SYT1: variants seen among roughly 807,000 people sequenced by gnomAD.
The protein encoded by SYT1 is synaptotagmin 1.
Under a neutral mutation model 44.8 loss-of-function variants are expected in SYT1, and 8 were observed. The ratio of observed to expected loss-of-function variants is 0.18; its 90% CI spans 0.10 to 0.32. The LOEUF is 0.32. Among genes scored for constraint, SYT1 ranks in the 10% least tolerant of loss-of-function variants. The probability of loss-of-function intolerance (pLI) is 1.00; values close to 1 mark genes in which losing one functional copy is unlikely to be tolerated. For synonymous variants in SYT1, 154 were observed against 188.8 expected, an observed-to-expected ratio of 0.82 and a Z score of 1.51; for missense variants, 286 against 509.3, an observed-to-expected ratio of 0.56 and a Z score of 4.22.
intron 3 of SYT1, among the ~76,000 whole-genome samples, chr12:79,163,112 T>A (rs752519907): frequency 6.6e-6 from 1 of 152,072 alleles, no homozygotes; most frequent in Non-Finnish European, 1.5e-5. Flanking sequence ...TTGCCTGCCT[T>A]ATGTATATGC....
intron 9 of SYT1, among the ~76,000 whole-genome samples, chr12:79,387,458 G>GA (rs1194681799): frequency 1.3e-5 from 2 of 152,094 alleles, no homozygotes; most frequent in African/African-American, 2.4e-5. Flanking sequence ...ATCTCTCAAT[G>GA]AAAAAACTAA....
At chr12:79,064,683 AC>A (rs1256161669) in intron 3 of SYT1, among the ~76,000 whole-genome samples, 1 of 151,604 alleles carries the variant, frequency 6.6e-6, no homozygotes, top group Admixed American at 6.6e-5. Flanking sequence ...AATAAAGTAA[AC>A]CCCACCATAA....
rs1431810122 is a variant in SYT1 at position 79,285,793 on chromosome 12, C to T, written c.173C>T (p.Pro58Leu). 2 of 1,603,914 alleles carry T rather than the reference C, an allele frequency of 1.2e-6. No homozygotes were observed. Among genetic ancestry groups the T allele is most frequent in the South Asian group, 1.1e-5 (1 of 88,354 alleles). ...CTCTGTGTGTTTCTTTCAGTGCCAC[C>T]GTGGGCCTTAATTGCAATAGCCATA... ...MNELHKIPLP[P>L]WALIAIAIVA... Residue 58 changes from proline (P) to leucine (L), a missense_variant, in exon 5 of 11, where the codon CCG (proline) becomes CTG (leucine). This residue lies in a region of SYT1 where 141 missense variants were observed against 165.7 expected (regional missense o/e 0.85). Coordinates refer to ENST00000261205, the MANE Select transcript of SYT1 (RefSeq NM_005639.3).
rs1033634983 is a variant in SYT1 at position 79,186,620 on chromosome 12, A to G, written c.-17-30883A>G. On this transcript the variant is annotated intron_variant, in intron 3 of 10. Coordinates refer to ENST00000261205, the MANE Select transcript of SYT1 (RefSeq NM_005639.3). ...TCTTTAAGCAGCTAAGTGGCTCCCCAAAGATTAAATGTCCAATAAGTGAAA... is the reference window on the plus strand; with the variant it reads ...TCTTTAAGCAGCTAAGTGGCTCCCCGAAGATTAAATGTCCAATAAGTGAAA... 1.3e-4 allele frequency among the ~76,000 whole-genome samples: 20 copies of G among 152,140 alleles called. No homozygotes were observed. The East Asian group carries it at 3.1e-3, about 24-fold the overall frequency.
At chr12:79,355,672 A>G (rs1211502528) in intron 9 of SYT1, among the ~76,000 whole-genome samples, 3 of 151,658 alleles carry the variant, frequency 2.0e-5, no homozygotes, top group Admixed American at 6.5e-5. Flanking sequence ...CAAACAAACT[A>G]TACAACTTTC....
At chr12:79,044,455 C>G (rs887745706) in intron 2 of SYT1, among the ~76,000 whole-genome samples, 1 of 149,970 alleles carries the variant, frequency 6.7e-6, no homozygotes, top group Admixed American at 6.6e-5. Flanking sequence ...ACGTAGTTCT[C>G]GAGCCTTGGT....
intron 2 of SYT1, among the ~76,000 whole-genome samples, chr12:79,044,185 T>G (rs1436767121): frequency 6.6e-6 from 1 of 152,130 alleles, no homozygotes; most frequent in Non-Finnish European, 1.5e-5. Flanking sequence ...CCTTGCTAGA[T>G]TGGGGAAGTT....
intron 1 of SYT1, among the ~76,000 whole-genome samples, chr12:78,894,760 A>C (rs909575311): frequency 6.6e-6 from 1 of 151,624 alleles, no homozygotes; most frequent in Non-Finnish European, 1.5e-5. Flanking sequence ...GTTACCAGAG[A>C]CTGGGAGGTG....
At position 79,217,553 on chromosome 12, in the gene SYT1, G is replaced by A; in HGVS notation, c.34G>A (p.Ala12Thr). The change falls in exon 4 of 11, where the codon GCC becomes ACC. Residue 12 changes from alanine (A) to threonine (T), a missense_variant. By Grantham distance (58) the Ala-to-Thr change is moderately conservative. Transcript: ENST00000261205. ...VSESHHEALA[A>T]PPVTTVATVL... The stretch of plus-strand genomic sequence containing the variant: ...CGAGAGTCACCATGAGGCCCTGGCA[G>A]CCCCGCCTGTCACCACTGTCGCGAC... The A allele has an allele frequency of 2.5e-6, 4 of 1,606,158 alleles. No homozygotes were observed. The highest frequency in any genetic ancestry group is 2.5e-6 in the Non-Finnish European group (3 of 1,176,538).
chr12:79,420,707 T>C (rs1869055824), intron 9 of SYT1, among the ~76,000 whole-genome samples: 1 of 152,072 alleles, frequency 6.6e-6, no homozygotes, highest in African/African-American at 2.4e-5. Context: ...TCTAAAGCAG[T>C]GGTTTGTAAT....
intron 3 of SYT1, among the ~76,000 whole-genome samples, chr12:79,177,699 C>G (rs1871978582): frequency 7.9e-6 from 1 of 126,598 alleles, no homozygotes; most frequent in African/African-American, 3.2e-5. Flanking sequence ...CACATCCTCT[C>G]CAGCACCTGT....
intron 2 of SYT1, among the ~76,000 whole-genome samples, chr12:79,002,753 T>C (rs115897509): frequency 0.013 from 1,922 of 152,106 alleles, 48 homozygotes; most frequent in African/African-American, 0.044. Flanking sequence ...GATCCTTCTA[T>C]TGTTGTTAAG....
intron 1 of SYT1, among the ~76,000 whole-genome samples, chr12:78,905,214 G>A (rs1875900142): frequency 6.6e-6 from 1 of 152,162 alleles, no homozygotes; most frequent in Admixed American, 6.6e-5. Context: ...TGATTTTAAA[G>A]AGATTAATTA....
At chr12:79,075,819 C>T (rs921071115) in intron 3 of SYT1, among the ~76,000 whole-genome samples, 1 of 152,042 alleles carries the variant, frequency 6.6e-6, no homozygotes, top group South Asian at 2.1e-4. Context: ...TAGTCATACA[C>T]AGATTTTTTT....
Position 79,449,429 on chromosome 12 carries a change from G to T in SYT1, c.*305G>T. 1 of 309,692 alleles carries T rather than the reference G, an allele frequency of 3.2e-6. No individual in the cohort carries two copies. The highest frequency in any genetic ancestry group is 6.0e-6 in the Non-Finnish European group (1 of 165,644). 19.2% of individuals were successfully genotyped at this position (309,692 alleles called of 1,614,324 possible). On this transcript the variant is annotated 3_prime_UTR_variant, in exon 11 of 11. Transcript: ENST00000261205. ...CCAGTATGCTAAAGATTTATTTCTA[G>T]TTTGTGTATTTGTATGTTGTAAGCG... is the stretch of plus-strand genomic sequence containing the variant.
chr12:79,185,431 C>T (rs1056374355), intron 3 of SYT1, among the ~76,000 whole-genome samples: 37 of 152,010 alleles, frequency 2.4e-4, no homozygotes, highest in African/African-American at 8.9e-4. Context: ...AACAACTATT[C>T]CACCTTTCCA....
rs188881815 is a variant in SYT1, at chr12:79,095,888, T to C, written c.-18+48526T>C. 4.1e-4 allele frequency among the ~76,000 whole-genome samples: 62 copies of C among 151,962 alleles called. No homozygotes were observed. The South Asian group carries it at 8.7e-3, about 21-fold the overall frequency. ...GACAGATTAACAGGGTAAAAACACATACAAATTTATTATATGCACATGAGC... is the reference window on the plus strand; with the variant it reads ...GACAGATTAACAGGGTAAAAACACACACAAATTTATTATATGCACATGAGC... On this transcript the variant is annotated intron_variant, in intron 3 of 10. Transcript: ENST00000261205.
At chr12:79,407,779 C>A (rs1360950898) in intron 9 of SYT1, among the ~76,000 whole-genome samples, 2 of 152,026 alleles carry the variant, frequency 1.3e-5, no homozygotes, top group East Asian at 1.9e-4. Flanking sequence ...ACAGTCCAAG[C>A]AAAGAACATT....
chr12:78,886,567 A>T (rs1374728606), intron 1 of SYT1, among the ~76,000 whole-genome samples: 1 of 152,000 alleles, frequency 6.6e-6, no homozygotes, highest in Non-Finnish European at 1.5e-5. Flanking sequence ...GTTTGTAACC[A>T]TATGCCTGTG....
Sources: gnomAD v4.1 joint callset for allele counts (sites outside exome capture counted in the v4.1 genomes callset) on GRCh38, gnomAD v4.1.1 for gene constraint, gnomAD v4.1.1 regional missense constraint, MANE v1.5 for transcripts, NCBI Gene and HGNC (gene_info 2026-07-23, HGNC 2026-07-21) for gene names.